The following CDKAL1 variants were observed in gnomAD, a reference collection of about 807,000 sequenced individuals.
CDKAL1 encodes the protein CDKAL1 threonylcarbamoyladenosine tRNA methylthiotransferase.
A neutral mutation model predicts 68.2 loss-of-function variants in CDKAL1; 32 were observed. The ratio of observed to expected loss-of-function variants is 0.47; its 90% confidence interval spans 0.35 to 0.63. CDKAL1 has a LOEUF of 0.63. Ranked by LOEUF, CDKAL1 falls within the 30% of genes least tolerant of loss-of-function variation. The probability of loss-of-function intolerance (pLI) is 0.00; values close to 1 mark genes in which losing one functional copy is unlikely to be tolerated. For synonymous variants in CDKAL1, 234 were observed against 244.3 expected (o/e 0.96, Z 0.39); for missense variants, 606 against 696.7 (o/e 0.87, Z 1.47).
chr6:21,176,583 C>T (rs549657700), intron 13 of CDKAL1, among the ~76,000 whole-genome samples: 5 of 152,014 alleles, frequency 3.3e-5, no homozygotes, highest in African/African-American at 1.2e-4. Flanking sequence ...GGATAGTACA[C>T]GTGTGCTAGA....
chr6:20,609,288 T>TCTTCTC (rs1370923487), intron 4 of CDKAL1, among the ~76,000 whole-genome samples: 60 of 144,936 alleles, frequency 4.1e-4, no homozygotes, highest in African/African-American at 1.5e-3. Context: ...TCCTTCTCCT[T>TCTTCTC]CTTCTCCTTC....
At chr6:21,223,909 C>T (rs1184697703) in intron 15 of CDKAL1, among the ~76,000 whole-genome samples, 1 of 152,172 alleles carries the variant, frequency 6.6e-6, no homozygotes, top group Non-Finnish European at 1.5e-5. Flanking sequence ...TGGAGGTTTG[C>T]TGTCCTCTTC....
intron 13 of CDKAL1, among the ~76,000 whole-genome samples, chr6:21,120,354 C>T: frequency 6.6e-6 from 1 of 152,208 alleles, no homozygotes. Flanking sequence ...GGCTAAAATC[C>T]AGTCTTTTAA....
intron 9 of CDKAL1, among the ~76,000 whole-genome samples, chr6:20,910,275 G>A (rs1296854337): frequency 6.6e-5 from 10 of 152,344 alleles, no homozygotes; most frequent in East Asian, 5.8e-4. Flanking sequence ...ACCTCAGGTA[G>A]TTCTTATGGG....
At chr6:20,742,591 G>A (rs75356557) in intron 6 of CDKAL1, among the ~76,000 whole-genome samples, 5,121 of 151,640 alleles carry the variant, frequency 0.034, 274 homozygotes, top group African/African-American at 0.12. Flanking sequence ...AGGATATAAC[G>A]TACTTTACCT....
chr6:20,551,067 G>A (rs546548782), intron 4 of CDKAL1, among the ~76,000 whole-genome samples: 17 of 151,888 alleles, frequency 1.1e-4, no homozygotes, highest in Admixed American at 2.0e-4. Context: ...GAGTTTCACC[G>A]TGTTAGCCAG....
chr6:20,875,141 T>C (rs1172925736), intron 9 of CDKAL1, among the ~76,000 whole-genome samples: 2 of 150,750 alleles, frequency 1.3e-5, no homozygotes, highest in Non-Finnish European at 3.0e-5. Context: ...CTACTAAAAA[T>C]ACAAAAAATT....
intron 9 of CDKAL1, among the ~76,000 whole-genome samples, chr6:20,909,276 G>A (rs1235004439): frequency 6.6e-6 from 1 of 151,928 alleles, no homozygotes; most frequent in Admixed American, 6.6e-5. Flanking sequence ...ACAGAGCTCA[G>A]AAATCCTTCT....
intron 11 of CDKAL1, among the ~76,000 whole-genome samples, chr6:21,002,686 C>T (rs1416964624): frequency 2.0e-5 from 3 of 151,368 alleles, no homozygotes; most frequent in Admixed American, 1.3e-4. Context: ...CAGATTATCA[C>T]TGCCAATAAA....
chr6:21,154,865 CA>C (rs1424339269), intron 13 of CDKAL1, among the ~76,000 whole-genome samples: 1 of 152,062 alleles, frequency 6.6e-6, no homozygotes. Flanking sequence ...TGGTGGCACA[CA>C]CCTGTAATGC....
intron 5 of CDKAL1, among the ~76,000 whole-genome samples, chr6:20,730,843 CAAAAAAA>C (rs34407999): frequency 8.6e-6 from 1 of 116,284 alleles, no homozygotes. Flanking sequence ...GACTCCGTCT[CAAAAAAA>C]AAAAAAAAAA....
At chr6:20,806,828 C>G (rs1776592093) in intron 8 of CDKAL1, among the ~76,000 whole-genome samples, 1 of 152,054 alleles carries the variant, frequency 6.6e-6, no homozygotes, top group African/African-American at 2.4e-5. Context: ...AGGATATTTA[C>G]AAGGAAATTA....
intron 8 of CDKAL1, among the ~76,000 whole-genome samples, chr6:20,783,691 A>C (rs184012468): frequency 2.0e-4 from 30 of 152,308 alleles, no homozygotes; most frequent in African/African-American, 7.0e-4. Flanking sequence ...TGTCCACAAC[A>C]TTCCCTATGT....
At chr6:20,798,552 G>A (rs1776211907) in intron 8 of CDKAL1, among the ~76,000 whole-genome samples, 1 of 151,952 alleles carries the variant, frequency 6.6e-6, no homozygotes, top group Non-Finnish European at 1.5e-5. Flanking sequence ...AGAAAATGTG[G>A]CACATATACA....
chr6:20,827,842 T>C (rs144455724), intron 8 of CDKAL1, among the ~76,000 whole-genome samples: 3 of 152,296 alleles, frequency 2.0e-5, no homozygotes, highest in East Asian at 1.9e-4. Context: ...TTCTATGTTA[T>C]TGTTTTAGTT....
intron 12 of CDKAL1, among the ~76,000 whole-genome samples, chr6:21,088,001 A>G (rs1185128202): frequency 6.6e-6 from 1 of 152,076 alleles, no homozygotes; most frequent in South Asian, 2.1e-4. Context: ...TGGGTTGTTT[A>G]GGAAAAGGCA....
intron 12 of CDKAL1, among the ~76,000 whole-genome samples, chr6:21,103,312 T>C (rs1444391069): frequency 6.6e-6 from 1 of 152,176 alleles, no homozygotes; most frequent in Non-Finnish European, 1.5e-5. Context: ...CTGAGCTCTG[T>C]TGCATATCTT....
At chr6:20,767,551 T>C (rs1774754627) in intron 7 of CDKAL1, among the ~76,000 whole-genome samples, 1 of 152,150 alleles carries the variant, frequency 6.6e-6, no homozygotes, top group African/African-American at 2.4e-5. Flanking sequence ...AGTAATTTGA[T>C]GGCTCAGATG....
intron 5 of CDKAL1, among the ~76,000 whole-genome samples, chr6:20,717,059 A>G (rs1404169435): frequency 6.6e-6 from 1 of 152,018 alleles, no homozygotes; most frequent in Non-Finnish European, 1.5e-5. Flanking sequence ...GACTTACTGG[A>G]TTTGTCAATA....
Sources: allele counts gnomAD v4.1 joint callset (sites outside exome capture counted in the v4.1 genomes callset), GRCh38; gene constraint gnomAD v4.1.1; transcripts MANE v1.5; gene names NCBI Gene and HGNC (gene_info 2026-07-23, HGNC 2026-07-21).